UROS: variants seen among roughly 807,000 people sequenced by gnomAD.
UROS encodes uroporphyrinogen III synthase.
Under a neutral mutation model 33.0 loss-of-function variants are expected in UROS, and 18 were observed. The ratio of observed to expected loss-of-function variants is 0.55; its 90% CI spans 0.38 to 0.81. The LOEUF (loss-of-function observed/expected upper bound fraction) is 0.81, where lower values mean the gene tolerates loss of function less well. Among genes scored for constraint, UROS ranks in the 30% least tolerant of loss-of-function variants. The pLI is 0.00. For synonymous variants in UROS, 114 were observed against 121.1 expected (o/e 0.94, Z 0.38); for missense variants, 293 against 314.9 (o/e 0.93, Z 0.53).
At chr10:125,815,480 C>T (rs1481676060) in intron 3 of UROS, among the ~76,000 whole-genome samples, 3 of 151,968 alleles carry the variant, frequency 2.0e-5, no homozygotes, top group Non-Finnish European at 4.4e-5. Flanking sequence ...AGACTTGACC[C>T]GAATCTGTAA....
chr10:125,789,350 T>G, intron 9 of UROS: 1 of 1,218,224 alleles, frequency 8.2e-7, no homozygotes, highest in East Asian at 4.8e-5. Flanking sequence ...CTTCGGGTGT[T>G]GGGGGCCCTG....
chr10:125,787,730 T>G (rs1380171001), downstream of UROS, among the ~76,000 whole-genome samples: 1 of 152,212 alleles, frequency 6.6e-6, no homozygotes, highest in East Asian at 1.9e-4. Flanking sequence ...AAGTGGTCAC[T>G]TCATGGAACC....
intron 5 of UROS, among the ~76,000 whole-genome samples, chr10:125,811,105 T>G (rs1852775361): frequency 6.6e-6 from 1 of 152,188 alleles, no homozygotes; most frequent in Non-Finnish European, 1.5e-5. Context: ...ACCATAGTCT[T>G]TTTTCTCATT....
chr10:125,815,670 C>T (rs1389658119), intron 3 of UROS, among the ~76,000 whole-genome samples: 3 of 152,192 alleles, frequency 2.0e-5, no homozygotes, highest in African/African-American at 7.2e-5. Flanking sequence ...GAAGGCTTTA[C>T]TGGACTTGTC....
intron 1 of UROS, among the ~76,000 whole-genome samples, chr10:125,818,045 C>T (rs892955349): frequency 1.3e-5 from 2 of 152,146 alleles, no homozygotes; most frequent in Non-Finnish European, 2.9e-5. Flanking sequence ...GAAGTTTAGG[C>T]TTCTGGATAA....
At chr10:125,803,134 G>A in intron 6 of UROS, 3 of 1,481,564 alleles carry the variant, frequency 2.0e-6, no homozygotes, top group South Asian at 2.4e-5. Flanking sequence ...CTAGGCTTGA[G>A]CCCCAGCCTA....
chr10:125,802,188 A>T, intron 6 of UROS: 1 of 985,528 alleles, frequency 1.0e-6, no homozygotes, highest in East Asian at 1.1e-4. Context: ...ACCCATCTGC[A>T]TCCTGTACCA....
intron 7 of UROS, among the ~76,000 whole-genome samples, chr10:125,797,024 CTT>C (rs951622708): frequency 6.6e-6 from 1 of 152,198 alleles, no homozygotes; most frequent in African/African-American, 2.4e-5. Context: ...CAAGCTTTCT[CTT>C]ATTTTATCCT....
chr10:125,801,650 GAAGATTTAT>G (rs1851847286), intron 6 of UROS, among the ~76,000 whole-genome samples: 1 of 152,200 alleles, frequency 6.6e-6, no homozygotes, highest in Admixed American at 6.5e-5. Context: ...ATTGCAAATG[GAAGATTTAT>G]TAGGACCCAT....
At chr10:125,813,816 A>G (rs1853042090) in intron 4 of UROS, among the ~76,000 whole-genome samples, 1 of 152,214 alleles carries the variant, frequency 6.6e-6, no homozygotes, top group South Asian at 2.1e-4. Context: ...TTTCTTTTCA[A>G]CAAGAGGTGA....
At chr10:125,787,208 C>T (rs1187251572), downstream of UROS, among the ~76,000 whole-genome samples, 1 of 152,090 alleles carries the variant, frequency 6.6e-6, no homozygotes, top group Non-Finnish European at 1.5e-5. Context: ...AACCTTTGTC[C>T]CCGATTCTGT....
At chr10:125,796,753 G>C in intron 7 of UROS, 1 of 978,526 alleles carries the variant, frequency 1.0e-6, no homozygotes, top group Non-Finnish European at 1.2e-6. Context: ...GGGTTTTCAG[G>C]GCTGGTGATG....
chr10:125,821,765 T>C (rs555112084), intron 1 of UROS, among the ~76,000 whole-genome samples: 3 of 152,342 alleles, frequency 2.0e-5, no homozygotes, highest in African/African-American at 7.2e-5. Context: ...GGGTCTTTTT[T>C]GACAGCTTCC....
chr10:125,821,169 G>A (rs192556434), intron 1 of UROS, among the ~76,000 whole-genome samples: 5 of 152,148 alleles, frequency 3.3e-5, no homozygotes, highest in African/African-American at 1.2e-4. Flanking sequence ...GCAGGGACTC[G>A]AACAGATATT....
At chr10:125,805,591 A>G (rs1474842593) in intron 6 of UROS, among the ~76,000 whole-genome samples, 1 of 152,208 alleles carries the variant, frequency 6.6e-6, no homozygotes, top group African/African-American at 2.4e-5. Flanking sequence ...GTGACAAGTG[A>G]GCTTGTGAAA....
In UROS at chr10:125,798,067, T is replaced by C; in HGVS notation, c.473A>G (p.Lys158Arg). 2 of 1,613,962 alleles carry C rather than the reference T, an allele frequency of 1.2e-6. No homozygotes were observed. The highest frequency in any genetic ancestry group is 1.7e-6 in the Non-Finnish European group (2 of 1,179,834). The change falls in exon 7 of 10, where the codon AAA (lysine) becomes AGA (arginine). Residue 158 changes from lysine to arginine, a missense_variant and splice_region_variant. Transcript: ENST00000368797. ...REILPKALKDKGIAMESITVY... is the reference protein window; with the variant it reads ...REILPKALKDRGIAMESITVY... Reference sequence around the variant, plus strand: ...TGCAGTCAAAGCATTCTACTCGCCTTTGTCCTTGAGCGCTTTTGGCAGGAT... The same window carrying C: ...TGCAGTCAAAGCATTCTACTCGCCTCTGTCCTTGAGCGCTTTTGGCAGGAT...
At chr10:125,813,094 T>A (rs143917292) in intron 4 of UROS, among the ~76,000 whole-genome samples, 4 of 152,132 alleles carry the variant, frequency 2.6e-5, no homozygotes, top group Admixed American at 6.5e-5. Context: ...CCCATAAATA[T>A]CAATAGTATT....
intron 9 of UROS, chr10:125,791,693 T>C (rs191778923): frequency 1.4e-4 from 22 of 152,246 alleles, no homozygotes; most frequent in Non-Finnish European, 2.1e-4. Flanking sequence ...GAAAACACTA[T>C]GCTAGTGAAA....
intron 6 of UROS, among the ~76,000 whole-genome samples, chr10:125,806,974 T>C (rs1295185088): frequency 1.3e-5 from 2 of 152,094 alleles, no homozygotes; most frequent in African/African-American, 4.8e-5. Context: ...TAAATCCAAG[T>C]CCACAGGCAG....
Sources: gnomAD v4.1 joint callset for allele counts (sites outside exome capture counted in the v4.1 genomes callset) on GRCh38, gnomAD v4.1.1 for gene constraint, MANE v1.5 for transcripts, NCBI Gene and HGNC (gene_info 2026-07-23, HGNC 2026-07-21) for gene names.